WARS2: variants seen among roughly 807,000 people sequenced by gnomAD.
WARS2 encodes tryptophanyl tRNA synthetase 2, mitochondrial.
A neutral mutation model predicts 36.5 loss-of-function variants in WARS2; 28 were observed. The observed-to-expected ratio is 0.77, with a 90% CI of 0.57 to 1.05. WARS2 has a LOEUF of 1.05. Among genes scored for constraint, WARS2 ranks in the 50% least tolerant of loss-of-function variants. The probability of loss-of-function intolerance (pLI) is 0.00; values close to 1 mark genes in which losing one functional copy is unlikely to be tolerated. For synonymous variants in WARS2, 174 were observed against 178.4 expected (o/e 0.98, Z 0.20); for missense variants, 435 against 456.8 (o/e 0.95, Z 0.44).
chr1:119,133,284 C>A (rs1656242575), intron 1 of WARS2, among the ~76,000 whole-genome samples: 1 of 152,204 alleles, frequency 6.6e-6, no homozygotes, highest in Admixed American at 6.5e-5. Flanking sequence ...AGAATAGCAA[C>A]AACAAAGGAT....
At chr1:119,041,381 C>T (rs1031028450) in intron 4 of WARS2, among the ~76,000 whole-genome samples, 1 of 152,056 alleles carries the variant, frequency 6.6e-6, no homozygotes, top group African/African-American at 2.4e-5. Flanking sequence ...AAATCAGAAG[C>T]CCTGGCCAGT....
chr1:119,033,188 C>T lies in WARS2; in HGVS notation c.806G>A (p.Arg269His), dbSNP rs545906519. 1.6e-5 allele frequency: 26 copies of T among 1,614,234 alleles called. No homozygotes were observed. In the African/African-American group the frequency reaches 2.7e-4, roughly 17 times the overall value. ...CGCCACTATGTTGGACACGCCAGCGCGGCCAGCCGGGTCATAGGTGACCTC... is the reference window on the plus strand; with the variant it reads ...CGCCACTATGTTGGACACGCCAGCGTGGCCAGCCGGGTCATAGGTGACCTC... ...TSEVTYDPAG[R>H]AGVSNIVAVH... is the part of the protein sequence containing the mutation. Residue 269 changes from arginine to histidine, a missense_variant, in exon 6 of 6, where the codon CGC (arginine) becomes CAC (histidine). Arg to His is a conservative substitution (Grantham distance 29). Transcript: ENST00000235521.
At chr1:119,123,788 C>G (rs767572012) in intron 1 of WARS2, among the ~76,000 whole-genome samples, 40 of 152,026 alleles carry the variant, frequency 2.6e-4, no homozygotes, top group African/African-American at 7.5e-4. Context: ...CACCCCTCCC[C>G]TCCCTCCTTC....
At chr1:119,101,370 A>G (rs1481289120) in intron 1 of WARS2, among the ~76,000 whole-genome samples, 1 of 152,192 alleles carries the variant, frequency 6.6e-6, no homozygotes, top group African/African-American at 2.4e-5. Context: ...TTTATGAAGG[A>G]TAGTCAAAAT....
At chr1:119,044,172 A>C (rs963532425) in intron 3 of WARS2, among the ~76,000 whole-genome samples, 3 of 152,242 alleles carry the variant, frequency 2.0e-5, no homozygotes, top group Non-Finnish European at 2.9e-5. Flanking sequence ...GAATCACCAC[A>C]GAAGACAGTA....
intron 1 of WARS2, among the ~76,000 whole-genome samples, chr1:119,091,319 C>T (rs1653026161): frequency 6.6e-6 from 1 of 152,060 alleles, no homozygotes; most frequent in African/African-American, 2.4e-5. Context: ...CTCATTTGAT[C>T]CTCATAAAAA....
chr1:119,043,913 C>T (rs1648576807), intron 3 of WARS2, among the ~76,000 whole-genome samples: 1 of 152,146 alleles, frequency 6.6e-6, no homozygotes, highest in Non-Finnish European at 1.5e-5. Flanking sequence ...CCTTCTGTGC[C>T]ACTATTCCAC....
Position 119,085,669 on chromosome 1 carries a change from T to C in WARS2, c.91-9062A>G. 8.4e-6 allele frequency: 12 copies of C among 1,431,224 alleles called. No individual in the cohort carries two copies. In the South Asian group the frequency reaches 1.3e-4, roughly 15 times the overall value. 88.7% of individuals were successfully genotyped at this position (1,431,224 alleles called of 1,614,324 possible). ...CCTTTGATCTTGATCCCATTAAAAT[T>C]GTCAATGGCCAGAATTGTGCTCCTC... On this transcript the variant is annotated intron_variant, in intron 1 of 5. Coordinates refer to ENST00000235521, the MANE Select transcript of WARS2 (RefSeq NM_015836.4).
At chr1:119,134,135 G>A (rs1310193116) in intron 1 of WARS2, among the ~76,000 whole-genome samples, 2 of 151,564 alleles carry the variant, frequency 1.3e-5, no homozygotes, top group Non-Finnish European at 2.9e-5. Flanking sequence ...GGTCATTCAG[G>A]GCTCCATCCT....
chr1:119,083,031 C>A (rs767750631), intron 1 of WARS2, among the ~76,000 whole-genome samples: 6 of 152,102 alleles, frequency 3.9e-5, no homozygotes, highest in Non-Finnish European at 7.4e-5. Context: ...GAGTTTGAGA[C>A]CAACCTGGCC....
rs34605879 is a variant in WARS2 at position 119,068,854 on chromosome 1, TACAC to T, written c.348+7492_348+7495del. On this transcript the variant is annotated intron_variant, in intron 2 of 5. Transcript: ENST00000235521. ...TCTCTCTCTCTCACACACACACACA[TACAC>T]ACACACACACACACACACCTTTGAG... Among the ~76,000 whole-genome samples the T allele has an allele frequency of 3.6e-3, 530 of 148,724 alleles. 3 individuals carry two copies. Among genetic ancestry groups the T allele is most frequent in the African/African-American group, 0.012 (495 of 40,586 alleles).
intron 1 of WARS2, among the ~76,000 whole-genome samples, chr1:119,095,485 G>A (rs1402690148): frequency 1.3e-5 from 2 of 151,998 alleles, no homozygotes; most frequent in East Asian, 1.9e-4. Flanking sequence ...GTGCAGTGGC[G>A]ATCTCGGCTC....
chr1:119,079,061 G>A (rs1651990556), intron 1 of WARS2, among the ~76,000 whole-genome samples: 1 of 151,986 alleles, frequency 6.6e-6, no homozygotes, highest in South Asian at 2.1e-4. Context: ...TTTGCATATG[G>A]TGTGAGGTAA....
intron 1 of WARS2, among the ~76,000 whole-genome samples, chr1:119,115,740 G>A (rs907344776): frequency 2.0e-5 from 3 of 152,008 alleles, no homozygotes; most frequent in Admixed American, 1.3e-4. Context: ...GGTTCAAATC[G>A]ATCTTCTGGT....
chr1:119,114,244 G>A (rs6428792), intron 1 of WARS2, among the ~76,000 whole-genome samples: 100,309 of 151,946 alleles, frequency 0.66, 33,604 homozygotes, highest in East Asian at 0.84. Context: ...GCAGGTAAAC[G>A]CTAAAGGAAA....
intron 2 of WARS2, among the ~76,000 whole-genome samples, chr1:119,068,211 A>C (rs1214310591): frequency 6.6e-6 from 1 of 152,238 alleles, no homozygotes; most frequent in African/African-American, 2.4e-5. Context: ...AGAGTTTAAC[A>C]AATATAAATA....
intron 1 of WARS2, among the ~76,000 whole-genome samples, chr1:119,093,447 G>A (rs1219855013): frequency 4.9e-5 from 3 of 61,622 alleles, no homozygotes; most frequent in South Asian, 3.9e-4. Flanking sequence ...TAGGATCTTC[G>A]CAGATATAAT....
intron 2 of WARS2, among the ~76,000 whole-genome samples, chr1:119,056,011 CT>C (rs35376461): frequency 1.1e-3 from 139 of 127,196 alleles, no homozygotes; most frequent in Non-Finnish European, 9.6e-4. Flanking sequence ...CATACCATAA[CT>C]TTTTTTTTTT....
Position 119,031,559 on chromosome 1 carries a change from G to A in WARS2, c.*1352C>T, listed in dbSNP as rs1271176782. 1.3e-5 allele frequency: 2 copies of A among 152,162 alleles called. No individual in the cohort carries two copies. Among genetic ancestry groups the A allele is most frequent in the East Asian group, 3.8e-4 (2 of 5,198 alleles). 9.4% of individuals were successfully genotyped at this position (152,162 alleles called of 1,614,324 possible). ...CAACCTAGTTATGTATGTACAAATG[G>A]TGATCATGGTCCTTACTGATAAAAA... On this transcript the variant is annotated 3_prime_UTR_variant, in exon 6 of 6. Coordinates refer to ENST00000235521, the MANE Select transcript of WARS2 (RefSeq NM_015836.4).
Sources: gnomAD v4.1 joint callset for allele counts (sites outside exome capture counted in the v4.1 genomes callset) on GRCh38, gnomAD v4.1.1 for gene constraint, MANE v1.5 for transcripts, NCBI Gene and HGNC (gene_info 2026-07-23, HGNC 2026-07-21) for gene names.